The following DPP10 variants were observed in gnomAD, a reference collection of about 807,000 sequenced individuals.
DPP10 encodes the protein inactive dipeptidyl peptidase 10.
Under a neutral mutation model 120.9 loss-of-function variants are expected in DPP10, and 33 were observed. The observed-to-expected ratio is 0.27, with a 90% CI of 0.21 to 0.37. The LOEUF is 0.37. Ranked by LOEUF, DPP10 falls within the 10% of genes least tolerant of loss-of-function variation. The probability of loss-of-function intolerance (pLI) is 1.00; values close to 1 mark genes in which losing one functional copy is unlikely to be tolerated. For missense variants in DPP10, 816 were observed against 942.8 expected (o/e 0.87, Z 1.76); for synonymous variants, 337 against 326.1 (o/e 1.03, Z -0.36).
intron 5 of DPP10, among the ~76,000 whole-genome samples, chr2:115,558,519 T>C (rs1405861543): frequency 6.6e-6 from 1 of 152,120 alleles, no homozygotes; most frequent in African/African-American, 2.4e-5. Context: ...GAATAAGTAA[T>C]GAGGATGAAT....
intron 1 of DPP10, among the ~76,000 whole-genome samples, chr2:114,610,159 T>C (rs558168229): frequency 6.6e-6 from 1 of 152,302 alleles, no homozygotes; most frequent in African/African-American, 2.4e-5. Context: ...GGATGTTCTT[T>C]GCTTCCCCAC....
intron 1 of DPP10, among the ~76,000 whole-genome samples, chr2:115,247,934 T>C (rs771172511): frequency 5.9e-5 from 9 of 152,128 alleles, no homozygotes; most frequent in Non-Finnish European, 1.2e-4. Context: ...TTAGTTTAGG[T>C]TTTCTGTCTC....
intron 7 of DPP10, among the ~76,000 whole-genome samples, chr2:115,711,020 A>G (rs567520761): frequency 2.0e-5 from 3 of 152,294 alleles, no homozygotes; most frequent in East Asian, 3.9e-4. Context: ...AAAAAATGAA[A>G]GAACTGAACT....
intron 19 of DPP10, 70 bp downstream of exon 19, chr2:115,791,426 C>T (rs1683975160): frequency 7.4e-6 from 10 of 1,343,982 alleles, no homozygotes; most frequent in African/African-American, 1.5e-5. Flanking sequence ...CACATGACAA[C>T]ATTTGATTCA....
chr2:115,281,918 A>C (rs531277917), intron 1 of DPP10, among the ~76,000 whole-genome samples: 4 of 152,222 alleles, frequency 2.6e-5, no homozygotes, highest in Admixed American at 2.0e-4. Flanking sequence ...ACCCAAGAAT[A>C]ATCTTTAGTT....
intron 1 of DPP10, among the ~76,000 whole-genome samples, chr2:114,813,035 T>TTAAGCCCA (rs1302259836): frequency 3.3e-5 from 5 of 152,202 alleles, no homozygotes; most frequent in African/African-American, 1.2e-4. Flanking sequence ...CCATATAAAA[T>TTAAGCCCA]TAAGCCCACG....
intron 3 of DPP10, among the ~76,000 whole-genome samples, chr2:115,440,552 G>A (rs1212896515): frequency 1.3e-5 from 2 of 152,172 alleles, no homozygotes; most frequent in African/African-American, 2.4e-5. Flanking sequence ...TTATTAAGCC[G>A]GCGGCCAAAG....
intron 2 of DPP10, among the ~76,000 whole-genome samples, chr2:115,317,743 G>T (rs2061865377): frequency 6.7e-6 from 1 of 150,224 alleles, no homozygotes; most frequent in Non-Finnish European, 1.5e-5. Flanking sequence ...ATCTTCTTAT[G>T]TGTCTATTGG....
At chr2:114,531,487 C>A (rs1054625714) in intron 1 of DPP10, among the ~76,000 whole-genome samples, 2 of 149,652 alleles carry the variant, frequency 1.3e-5, no homozygotes, top group East Asian at 2.0e-4. Flanking sequence ...ATGTATATAT[C>A]TCTCCCTATA....
chr2:114,723,187 T>C (rs1334783651), intron 1 of DPP10, among the ~76,000 whole-genome samples: 1 of 152,184 alleles, frequency 6.6e-6, no homozygotes, highest in African/African-American at 2.4e-5. Context: ...TTAGGAAAGG[T>C]ATGAACAATC....
At chr2:115,719,296 G>C (rs2092583736) in intron 7 of DPP10, among the ~76,000 whole-genome samples, 1 of 152,136 alleles carries the variant, frequency 6.6e-6, no homozygotes, top group Admixed American at 6.5e-5. Context: ...CTTTGAAAAT[G>C]CATAAAGTGC....
At chr2:114,909,445 T>C (rs1186704873) in intron 1 of DPP10, among the ~76,000 whole-genome samples, 8 of 152,084 alleles carry the variant, frequency 5.3e-5, no homozygotes, top group Admixed American at 5.2e-4. Context: ...CTCCAGTAGC[T>C]TACAAATTAG....
chr2:115,607,905 ATT>A (rs1285285382), intron 5 of DPP10, among the ~76,000 whole-genome samples: 1 of 152,190 alleles, frequency 6.6e-6, no homozygotes, highest in Non-Finnish European at 1.5e-5. Flanking sequence ...AGTCTTAAAG[ATT>A]AATTTTAGAA....
intron 19 of DPP10, among the ~76,000 whole-genome samples, chr2:115,811,590 T>C (rs1666268820): frequency 6.6e-6 from 1 of 152,240 alleles, no homozygotes; most frequent in Non-Finnish European, 1.5e-5. Flanking sequence ...CAAGGCAATG[T>C]GTCATACGTA....
chr2:114,574,874 T>C (rs1054707028), intron 1 of DPP10, among the ~76,000 whole-genome samples: 1 of 152,158 alleles, frequency 6.6e-6, no homozygotes, highest in Non-Finnish European at 1.5e-5. Context: ...CATGAGTCCA[T>C]TGGGCAGGGC....
At chr2:115,490,080 A>G (rs1252808625) in intron 3 of DPP10, among the ~76,000 whole-genome samples, 1 of 152,202 alleles carries the variant, frequency 6.6e-6, no homozygotes, top group Non-Finnish European at 1.5e-5. Context: ...ACTTCAAGAT[A>G]TCCCACATCT....
chr2:114,972,715 C>T (rs546270262), intron 1 of DPP10, among the ~76,000 whole-genome samples: 26 of 152,266 alleles, frequency 1.7e-4, no homozygotes, highest in African/African-American at 6.0e-4. Context: ...GGTTTCTCTT[C>T]AGTATTCTAA....
intron 5 of DPP10, among the ~76,000 whole-genome samples, chr2:115,619,377 G>T (rs1008123580): frequency 6.6e-6 from 1 of 151,830 alleles, no homozygotes; most frequent in Non-Finnish European, 1.5e-5. Flanking sequence ...GCCTGGCCCC[G>T]TTTGTAGTTC....
intron 1 of DPP10, among the ~76,000 whole-genome samples, chr2:114,743,021 C>G (rs1678216947): frequency 6.6e-6 from 1 of 152,190 alleles, no homozygotes; most frequent in African/African-American, 2.4e-5. Flanking sequence ...TTTTAGAAGT[C>G]TTAATCACAC....
Sources: allele counts gnomAD v4.1 joint callset (sites outside exome capture counted in the v4.1 genomes callset), GRCh38; gene constraint gnomAD v4.1.1; transcripts MANE v1.5; gene names NCBI Gene and HGNC (gene_info 2026-07-23, HGNC 2026-07-21).